TNNI3K: variants seen among roughly 807,000 people sequenced by gnomAD.
TNNI3K encodes TNNI3 interacting kinase, also known as serine/threonine-protein kinase TNNI3K.
A neutral mutation model predicts 114.5 loss-of-function variants in TNNI3K; 140 were observed. That is an observed-to-expected ratio of 1.22 (90% CI 1.07 to 1.41). TNNI3K has a LOEUF of 1.41. Among genes scored for constraint, TNNI3K ranks in the 40% most tolerant of loss-of-function variants. TNNI3K has a pLI of 0.00. For synonymous variants in TNNI3K, 347 were observed against 347.5 expected, an observed-to-expected ratio of 1.00 and a Z score of 0.02; for missense variants, 1,125 against 1,007.6, an observed-to-expected ratio of 1.12 and a Z score of -1.58.
At chr1:74,439,737 A>G in intron 20 of TNNI3K, 115 bp downstream of exon 20, 45 of 1,464,964 alleles carry the variant, frequency 3.1e-5, no homozygotes, top group Non-Finnish European at 3.8e-5. Flanking sequence ...GCAAAAGAGG[A>G]GGTAAGCAAA....
At chr1:74,482,748 T>C (rs1366465220) in intron 21 of TNNI3K, among the ~76,000 whole-genome samples, 1 of 152,210 alleles carries the variant, frequency 6.6e-6, no homozygotes, top group African/African-American at 2.4e-5. Flanking sequence ...GCAAGCAATA[T>C]GTAATGAATA....
At chr1:74,404,064 A>G (rs948943111) in intron 17 of TNNI3K, among the ~76,000 whole-genome samples, 2 of 152,146 alleles carry the variant, frequency 1.3e-5, no homozygotes, top group Non-Finnish European at 2.9e-5. Flanking sequence ...ACTACTTCAT[A>G]CATAAAAAGT....
intron 2 of TNNI3K, among the ~76,000 whole-genome samples, chr1:74,238,399 C>T (rs1479470000): frequency 6.6e-6 from 1 of 152,008 alleles, no homozygotes; most frequent in East Asian, 1.9e-4. Context: ...AAGTACAGGG[C>T]CCAACCCATA....
chr1:74,521,708 A>T (rs1008045180), intron 23 of TNNI3K, among the ~76,000 whole-genome samples: 2 of 152,170 alleles, frequency 1.3e-5, no homozygotes, highest in Non-Finnish European at 2.9e-5. Context: ...TGAACAAGCC[A>T]TTTCAGCAAA....
In TNNI3K at chr1:74,349,930, A is replaced by T. The variant is rs189235614; in HGVS notation, c.933-3336A>T. The stretch of plus-strand genomic sequence containing the variant: ...ATCTTTTCAAAAAACCAGCTCCTGG[A>T]TTCATTGATTTTTTGAAGGGTTTTT... On this transcript the variant is annotated intron_variant, in intron 9 of 24. Transcript: ENST00000326637. 7.0e-3 allele frequency among the ~76,000 whole-genome samples: 1,061 copies of T among 152,088 alleles called. 9 individuals are homozygous for T. Among genetic ancestry groups the T allele is most frequent in the African/African-American group, 0.024 (1,011 of 41,450 alleles).
chr1:74,543,824 G>T, intron 24 of TNNI3K, 82 bp from the exon 25 acceptor site: 1 of 1,535,618 alleles, frequency 6.5e-7, no homozygotes. Flanking sequence ...TGGAAGACCT[G>T]CCTGGTTCAG....
chr1:74,433,392 C>T (rs990565930), intron 17 of TNNI3K, among the ~76,000 whole-genome samples: 13 of 152,050 alleles, frequency 8.5e-5, no homozygotes. Context: ...ATGAACTTCA[C>T]TCCATATAGG....
chr1:74,531,087 G>A (rs1646576500), intron 23 of TNNI3K, among the ~76,000 whole-genome samples: 1 of 152,180 alleles, frequency 6.6e-6, no homozygotes, highest in African/African-American at 2.4e-5. Flanking sequence ...TGACCTGGTT[G>A]CCAAGTCTTT....
At chr1:74,344,812 A>C (rs1171220876) in intron 9 of TNNI3K, among the ~76,000 whole-genome samples, 1 of 152,168 alleles carries the variant, frequency 6.6e-6, no homozygotes, top group Non-Finnish European at 1.5e-5. Flanking sequence ...GTGGCTACTC[A>C]GAGTAACAGA....
chr1:74,479,250 A>G (rs1051942816), intron 21 of TNNI3K, among the ~76,000 whole-genome samples: 1 of 152,204 alleles, frequency 6.6e-6, no homozygotes, highest in Non-Finnish European at 1.5e-5. Context: ...ACATCGAGCT[A>G]GATAACTTAA....
chr1:74,421,434 T>C (rs369560956), intron 17 of TNNI3K, among the ~76,000 whole-genome samples: 1 of 152,254 alleles, frequency 6.6e-6, no homozygotes, highest in South Asian at 2.1e-4. Flanking sequence ...TCTGGCAAGG[T>C]AGCTCTTAGA....
chr1:74,282,259 C>G (rs1657059891), intron 5 of TNNI3K, among the ~76,000 whole-genome samples: 1 of 151,994 alleles, frequency 6.6e-6, no homozygotes, highest in South Asian at 2.1e-4. Flanking sequence ...GCTACCATGG[C>G]CCATCTGCTA....
At chr1:74,504,118 A>G (rs1327027386) in intron 23 of TNNI3K, among the ~76,000 whole-genome samples, 3 of 152,236 alleles carry the variant, frequency 2.0e-5, no homozygotes, top group East Asian at 1.9e-4. Flanking sequence ...TTATGCACAC[A>G]TATACACGAA....
intron 22 of TNNI3K, among the ~76,000 whole-genome samples, chr1:74,491,207 T>C (rs193282684): frequency 5.9e-4 from 90 of 152,050 alleles, no homozygotes; most frequent in African/African-American, 1.8e-3. Context: ...TTAGGGTGAG[T>C]CCAACAGGTT....
intron 17 of TNNI3K, among the ~76,000 whole-genome samples, chr1:74,383,903 A>G (rs1244023370): frequency 6.6e-6 from 1 of 152,152 alleles, no homozygotes; most frequent in East Asian, 1.9e-4. Flanking sequence ...GACTTAGCAA[A>G]TCATCAAGGT....
intron 17 of TNNI3K, among the ~76,000 whole-genome samples, chr1:74,408,616 GA>G (rs1310862573): frequency 1.3e-5 from 2 of 152,140 alleles, no homozygotes. Flanking sequence ...ATCAAGTTCA[GA>G]AAAGATAGAC....
intron 5 of TNNI3K, among the ~76,000 whole-genome samples, chr1:74,311,337 G>GA (rs557264432): frequency 7.3e-5 from 11 of 151,556 alleles, no homozygotes; most frequent in African/African-American, 1.7e-4. Flanking sequence ...TAGCTGTCAA[G>GA]AAAAAAAATC....
chr1:74,376,777 A>G (rs1662925493), intron 17 of TNNI3K: 1 of 151,882 alleles, frequency 6.6e-6, no homozygotes, highest in African/African-American at 2.4e-5. Context: ...AGCCTAAGGA[A>G]GCATTTACAA....
intron 5 of TNNI3K, among the ~76,000 whole-genome samples, chr1:74,275,861 C>A (rs1390647081): frequency 1.3e-5 from 2 of 152,040 alleles, no homozygotes; most frequent in East Asian, 1.9e-4. Flanking sequence ...GAGTAGATGG[C>A]ATGGCAGATT....
Sources: gnomAD v4.1 joint callset for allele counts (sites outside exome capture counted in the v4.1 genomes callset) on GRCh38, gnomAD v4.1.1 for gene constraint, MANE v1.5 for transcripts, NCBI Gene and HGNC (gene_info 2026-07-23, HGNC 2026-07-21) for gene names.